TMEM132C: variants seen among roughly 807,000 people sequenced by gnomAD.
The protein encoded by TMEM132C is protein phosphatase 1, regulatory subunit 152.
Under a neutral mutation model 61.4 loss-of-function variants are expected in TMEM132C, and 29 were observed. The observed-to-expected ratio is 0.47, with a 90% CI of 0.35 to 0.64. The LOEUF (loss-of-function observed/expected upper bound fraction) is 0.64. Ranked by LOEUF, TMEM132C falls within the 30% of genes least tolerant of loss-of-function variation. The probability of loss-of-function intolerance (pLI) is 0.00; values close to 1 mark genes in which losing one functional copy is unlikely to be tolerated. For missense variants in TMEM132C, 1,408 were observed against 1,476.9 expected (o/e 0.95, Z 0.76); for synonymous variants, 656 against 633.1 (o/e 1.04, Z -0.54).
In TMEM132C at chr12:128,427,918, A is replaced by G. The variant is rs191826649; in HGVS notation, c.974+12298A>G. On this transcript the variant is annotated intron_variant, in intron 2 of 8. Coordinates refer to ENST00000435159, the MANE Select transcript of TMEM132C (RefSeq NM_001136103.3). ...TGAATTTTCCAGAGGGACCTTTAAAAGCAGAATTTGCTAGAACAAAATAAA... is the reference window on the plus strand; with the variant it reads ...TGAATTTTCCAGAGGGACCTTTAAAGGCAGAATTTGCTAGAACAAAATAAA... 1.6e-4 allele frequency among the ~76,000 whole-genome samples: 25 copies of G among 152,332 alleles called. 1 individual carries two copies. Among genetic ancestry groups the G allele is most frequent in the African/African-American group, 5.5e-4 (23 of 41,590 alleles).
chr12:128,296,695 C>T (rs943791207), intron 1 of TMEM132C, among the ~76,000 whole-genome samples: 2 of 152,060 alleles, frequency 1.3e-5, no homozygotes, highest in Non-Finnish European at 2.9e-5. Flanking sequence ...AGTTGTCCTC[C>T]GTCAGGTTCA....
intron 2 of TMEM132C, among the ~76,000 whole-genome samples, chr12:128,474,162 G>C (rs544365301): frequency 7.2e-5 from 11 of 152,290 alleles, no homozygotes; most frequent in African/African-American, 2.6e-4. Context: ...ACAGATTGCT[G>C]AGTCCCACCC....
chr12:128,628,187 A>C (rs1480264277), intron 4 of TMEM132C, among the ~76,000 whole-genome samples: 1 of 152,028 alleles, frequency 6.6e-6, no homozygotes, highest in Non-Finnish European at 1.5e-5. Context: ...CCCCTGCTCA[A>C]TGCTGACCCC....
intron 1 of TMEM132C, among the ~76,000 whole-genome samples, chr12:128,395,194 TTAAA>T (rs1874905896): frequency 6.7e-6 from 1 of 150,034 alleles, no homozygotes; most frequent in African/African-American, 2.4e-5. Flanking sequence ...TCATATTTAA[TTAAA>T]TATATAGTTC....
chr12:128,583,800 T>C (rs1273282969), intron 3 of TMEM132C, among the ~76,000 whole-genome samples: 1 of 152,238 alleles, frequency 6.6e-6, no homozygotes, highest in Non-Finnish European at 1.5e-5. Flanking sequence ...AAGCTGTGCA[T>C]GAAGCTGGCC....
chr12:128,476,598 G>A (rs1047248883), intron 2 of TMEM132C, among the ~76,000 whole-genome samples: 1 of 152,166 alleles, frequency 6.6e-6, no homozygotes, highest in Non-Finnish European at 1.5e-5. Context: ...AGAAGAAAAA[G>A]AAAACACAGA....
chr12:128,419,632 T>G (rs1393181085), intron 2 of TMEM132C, among the ~76,000 whole-genome samples: 1 of 152,162 alleles, frequency 6.6e-6, no homozygotes, highest in Non-Finnish European at 1.5e-5. Flanking sequence ...AGTCTTCTTC[T>G]TTTCTATCTG....
intron 1 of TMEM132C, among the ~76,000 whole-genome samples, chr12:128,308,258 A>G (rs537986192): frequency 4.7e-4 from 71 of 152,338 alleles, no homozygotes; most frequent in African/African-American, 1.7e-3. Context: ...GCAGGAGTCC[A>G]TAATAGTCTG....
chr12:128,536,483 A>G (rs761898505), intron 2 of TMEM132C, among the ~76,000 whole-genome samples: 27 of 152,110 alleles, frequency 1.8e-4, no homozygotes, highest in Non-Finnish European at 2.9e-4. Context: ...TGGCACATGT[A>G]TCAAACCTGC....
chr12:128,457,316 A>T (rs537989283), intron 2 of TMEM132C, among the ~76,000 whole-genome samples: 1 of 151,622 alleles, frequency 6.6e-6, no homozygotes, highest in Non-Finnish European at 1.5e-5. Flanking sequence ...AAAAAAAAAA[A>T]AAAAAACAGC....
chr12:128,319,010 T>C (rs1304499477), intron 1 of TMEM132C, among the ~76,000 whole-genome samples: 1 of 152,152 alleles, frequency 6.6e-6, no homozygotes, highest in African/African-American at 2.4e-5. Flanking sequence ...GACAGTTGGG[T>C]GGATCTTAAA....
chr12:128,655,745 C>A (rs959717235), intron 4 of TMEM132C, among the ~76,000 whole-genome samples: 2 of 152,086 alleles, frequency 1.3e-5, no homozygotes, highest in African/African-American at 4.8e-5. Flanking sequence ...CATTCCCAAA[C>A]TGCAAGCCAC....
chr12:128,576,606 T>C (rs1461707881), intron 3 of TMEM132C, among the ~76,000 whole-genome samples: 1 of 152,232 alleles, frequency 6.6e-6, no homozygotes, highest in Non-Finnish European at 1.5e-5. Flanking sequence ...TTGCCAGCCT[T>C]TGCTGGCACT....
Position 128,570,199 on chromosome 12 carries a change from C to A in TMEM132C, c.1121+26096C>A, listed in dbSNP as rs1357090980. Among the ~76,000 whole-genome samples, 1 of 152,086 alleles carries A rather than the reference C, an allele frequency of 6.6e-6. No homozygotes were observed. Among genetic ancestry groups the A allele is most frequent in the African/African-American group, 2.4e-5 (1 of 41,420 alleles). The stretch of plus-strand genomic sequence containing the variant: ...AAATTCAAGGGCTGAAAAATATCTA[C>A]ACCTCCCCACCCCCGCACCCCCCAC... On this transcript the variant is annotated intron_variant, in intron 3 of 8. Transcript: ENST00000435159. The surrounding 1 kb of genome is among the most constrained non-coding windows in gnomAD (Gnocchi z 4.7).
Position 128,380,923 on chromosome 12 carries a change from G to A in TMEM132C, c.86-33809G>A, listed in dbSNP as rs116956077. ...CATTGAACTCATGGCCAACTGCACC[G>A]TAACTCATGCCTGAAGGAAGCTGAT... On this transcript the variant is annotated intron_variant, in intron 1 of 8. Transcript: ENST00000435159. 2.0e-3 allele frequency among the ~76,000 whole-genome samples: 298 copies of A among 152,258 alleles called. 1 individual carries two copies. In the East Asian group the frequency reaches 0.033, roughly 17 times the overall value.
In TMEM132C at chr12:128,630,890, G is replaced by A. The variant is rs151209272; in HGVS notation, c.1305+14555G>A. 0.051 allele frequency among the ~76,000 whole-genome samples: 7,828 copies of A among 152,154 alleles called. 264 individuals carry two copies. The highest frequency in any genetic ancestry group is 0.072 in the Non-Finnish European group (4,897 of 67,998). On this transcript the variant is annotated intron_variant, in intron 4 of 8. Transcript: ENST00000435159. The surrounding 1 kb of genome is among the most constrained non-coding windows in gnomAD (Gnocchi z 4.3). ...CTACTAAAAATACAAAAATTAGTCG[G>A]GCATGGTGGTATGTGCCTGTATTCC...
At chr12:128,407,307 TC>T (rs1875378174) in intron 1 of TMEM132C, among the ~76,000 whole-genome samples, 1 of 152,212 alleles carries the variant, frequency 6.6e-6, no homozygotes, top group African/African-American at 2.4e-5. Flanking sequence ...TTGTGAGGCC[TC>T]CCCAGCCATG....
At chr12:128,592,217 G>C (rs1482876506) in intron 3 of TMEM132C, among the ~76,000 whole-genome samples, 7 of 152,176 alleles carry the variant, frequency 4.6e-5, no homozygotes, top group Non-Finnish European at 1.0e-4. Flanking sequence ...CGGAGGCTGC[G>C]CCTAAGGTCA....
intron 2 of TMEM132C, among the ~76,000 whole-genome samples, chr12:128,466,976 G>A (rs1181079288): frequency 6.6e-6 from 1 of 152,174 alleles, no homozygotes; most frequent in Non-Finnish European, 1.5e-5. Flanking sequence ...GAGCTTTTGA[G>A]CCAGCACTTG....
Sources: allele counts gnomAD v4.1 joint callset (sites outside exome capture counted in the v4.1 genomes callset), GRCh38; gene constraint gnomAD v4.1.1; non-coding constraint Gnocchi (gnomAD v3.1); transcripts MANE v1.5; gene names NCBI Gene and HGNC (gene_info 2026-07-23, HGNC 2026-07-21).